STK3: variants seen among roughly 807,000 people sequenced by gnomAD.
STK3 encodes the protein serine/threonine-protein kinase 3.
Under a neutral mutation model 58.0 loss-of-function variants are expected in STK3, and 41 were observed. The ratio of observed to expected loss-of-function variants is 0.71; its 90% CI spans 0.55 to 0.92. The LOEUF (loss-of-function observed/expected upper bound fraction) is 0.92, where lower values mean the gene tolerates loss of function less well. Among genes scored for constraint, STK3 ranks in the 40% least tolerant of loss-of-function variants. The probability of loss-of-function intolerance (pLI) is 0.00; values close to 1 mark genes in which losing one functional copy is unlikely to be tolerated. For missense variants in STK3, 479 were observed against 602.7 expected (o/e 0.79, Z 2.15); for synonymous variants, 170 against 191.0 (o/e 0.89, Z 0.91).
At chr8:98,488,071 T>G (rs941176887) in intron 10 of STK3, among the ~76,000 whole-genome samples, 7 of 152,188 alleles carry the variant, frequency 4.6e-5, no homozygotes, top group African/African-American at 1.7e-4. Context: ...GAGGAAAAGT[T>G]GCAAAACTGA....
chr8:98,652,231 A>C (rs1288501164), intron 6 of STK3, among the ~76,000 whole-genome samples: 1 of 152,226 alleles, frequency 6.6e-6, no homozygotes, highest in Non-Finnish European at 1.5e-5. Context: ...CAGCCAAACT[A>C]AGCTTCATAA....
intron 6 of STK3, 50 bp downstream of exon 6, chr8:98,706,417 G>T: frequency 6.7e-7 from 1 of 1,495,606 alleles, no homozygotes; most frequent in South Asian, 1.4e-5. Flanking sequence ...ATTACAAAAC[G>T]GCAACACTTA....
In STK3 at chr8:98,455,198, A is replaced by T. The variant is rs1351438906; in HGVS notation, c.*644T>A. The T allele has an allele frequency of 6.6e-6, 1 of 152,628 alleles. No individual in the cohort carries two copies. Among genetic ancestry groups the T allele is most frequent in the Non-Finnish European group, 1.5e-5 (1 of 68,028 alleles). The allele number at this position is 152,628 out of a possible 1,614,324, so 9.5% of individuals were successfully genotyped here. A position where few individuals can be genotyped will look rare whatever the true frequency, so the allele number is the denominator to read the frequency against. On this transcript the variant is annotated 3_prime_UTR_variant, in exon 11 of 11. Coordinates refer to ENST00000419617, the MANE Select transcript of STK3 (RefSeq NM_006281.4). ...CAAAAATCAAAAAAACAAAATTTCA[A>T]AGGGTAAAAATGGAATTATTGCTTC...
chr8:98,823,177 T>C (rs1042828552), intron 1 of STK3, among the ~76,000 whole-genome samples: 2 of 152,132 alleles, frequency 1.3e-5, no homozygotes, highest in African/African-American at 4.8e-5. Flanking sequence ...TGATAGGCTA[T>C]AGTGACAAAC....
intron 6 of STK3, among the ~76,000 whole-genome samples, chr8:98,605,400 T>A (rs2130117586): frequency 6.6e-6 from 1 of 151,486 alleles, no homozygotes; most frequent in East Asian, 1.9e-4. Context: ...AAACTTACAA[T>A]CATGGTGGAA....
the STK3 span, among the ~76,000 whole-genome samples, chr8:98,355,963 G>A: frequency 3.3e-5 from 5 of 152,178 alleles, no homozygotes; most frequent in African/African-American, 9.7e-5. Flanking sequence ...TTCAGATGGC[G>A]GTTGCTCCAT....
At chr8:98,478,881 T>C (rs1394416621) in intron 10 of STK3, among the ~76,000 whole-genome samples, 1 of 152,180 alleles carries the variant, frequency 6.6e-6, no homozygotes, top group African/African-American at 2.4e-5. Flanking sequence ...TATCTGCTCT[T>C]ATACACTATA....
At chr8:98,698,738 T>C (rs1275385287) in intron 6 of STK3, among the ~76,000 whole-genome samples, 6 of 152,256 alleles carry the variant, frequency 3.9e-5, no homozygotes, top group Admixed American at 6.5e-5. Context: ...GATCAGCTGT[T>C]AGTCTGATGG....
At chr8:98,414,253 G>C (rs1306929632) in intron 3 of STK3, among the ~76,000 whole-genome samples, 2 of 152,166 alleles carry the variant, frequency 1.3e-5, no homozygotes, top group Admixed American at 1.3e-4. Context: ...GACAGAGCAA[G>C]ACTCTGTCTC....
intron 4 of STK3, among the ~76,000 whole-genome samples, chr8:98,730,267 C>G (rs1324623502): frequency 6.6e-6 from 1 of 152,150 alleles, no homozygotes; most frequent in East Asian, 1.9e-4. Flanking sequence ...AGAAAATATA[C>G]AAATCATTTA....
chr8:98,897,467 G>A (rs1259531797), intron 1 of STK3, among the ~76,000 whole-genome samples: 1 of 151,632 alleles, frequency 6.6e-6, no homozygotes, highest in African/African-American at 2.4e-5. Flanking sequence ...GGAGGCTGAG[G>A]CAGGAGAATG....
intron 6 of STK3, among the ~76,000 whole-genome samples, chr8:98,673,790 A>T (rs1264770040): frequency 6.6e-6 from 1 of 152,214 alleles, no homozygotes; most frequent in Non-Finnish European, 1.5e-5. Flanking sequence ...TTAAAAAAAG[A>T]AATAAAAAAC....
At chr8:98,500,298 G>A (rs1398677332) in intron 10 of STK3, among the ~76,000 whole-genome samples, 2 of 152,156 alleles carry the variant, frequency 1.3e-5, no homozygotes, top group Non-Finnish European at 2.9e-5. Context: ...TTGGGAGGCC[G>A]AGGCAGGTGG....
At chr8:98,484,531 CAG>C (rs2131293936) in intron 10 of STK3, among the ~76,000 whole-genome samples, 1 of 152,240 alleles carries the variant, frequency 6.6e-6, no homozygotes, top group South Asian at 2.1e-4. Flanking sequence ...TAGAATATAA[CAG>C]TACAAGTTTA....
intron 6 of STK3, among the ~76,000 whole-genome samples, chr8:98,655,066 A>T (rs1821361653): frequency 6.6e-6 from 1 of 151,920 alleles, no homozygotes; most frequent in Non-Finnish European, 1.5e-5. Flanking sequence ...GAGGCATCAC[A>T]CTACCTGACT....
At chr8:98,759,244 T>C (rs924822750) in intron 3 of STK3, among the ~76,000 whole-genome samples, 2 of 152,212 alleles carry the variant, frequency 1.3e-5, no homozygotes, top group Non-Finnish European at 2.9e-5. Flanking sequence ...GAGAGTTGTG[T>C]GACTCTCCCT....
At chr8:98,527,222 T>C (rs1825813213) in intron 9 of STK3, among the ~76,000 whole-genome samples, 1 of 152,224 alleles carries the variant, frequency 6.6e-6, no homozygotes, top group South Asian at 2.1e-4. Context: ...TTATTTCAAA[T>C]TTCTCAAAGA....
chr8:98,498,646 T>C (rs1244520060), intron 10 of STK3, among the ~76,000 whole-genome samples: 2 of 152,206 alleles, frequency 1.3e-5, no homozygotes, highest in Non-Finnish European at 2.9e-5. Flanking sequence ...AAATATCCAA[T>C]AGTAAATTAT....
At chr8:98,587,549 T>C (rs1814759937) in intron 7 of STK3, among the ~76,000 whole-genome samples, 1 of 152,122 alleles carries the variant, frequency 6.6e-6, no homozygotes, top group Admixed American at 6.5e-5. Context: ...AGGAGTGGTG[T>C]GGTGCTGAAA....
Sources: gnomAD v4.1 joint callset for allele counts (sites outside exome capture counted in the v4.1 genomes callset) on GRCh38, gnomAD v4.1.1 for gene constraint, MANE v1.5 for transcripts, NCBI Gene and HGNC (gene_info 2026-07-23, HGNC 2026-07-21) for gene names.